CREG2: variants seen among roughly 807,000 people sequenced by gnomAD.
CREG2 encodes the protein cellular repressor of E1A stimulated genes 2, also known as protein CREG2.
CREG2 carries 24 observed loss-of-function variants against 26.2 expected under a neutral mutation model. The ratio of observed to expected loss-of-function variants is 0.92; its 90% CI spans 0.66 to 1.29. CREG2 has a LOEUF of 1.29. Ranked by LOEUF, CREG2 falls within the 50% of genes most tolerant of loss-of-function variation. The pLI is 0.00. For missense variants in CREG2, 366 were observed against 398.6 expected (o/e 0.92, Z 0.70); for synonymous variants, 174 against 169.2 (o/e 1.03, Z -0.22).
Position 101,387,157 on chromosome 2 carries a change from G to T in CREG2, c.301C>A (p.Pro101Thr). 7.9e-7 allele frequency: 1 copy of T among 1,268,412 alleles called. No individual in the cohort carries two copies. The allele number at this position is 1,268,412 out of a possible 1,614,324, so 78.6% of individuals were successfully genotyped here. Residue 101 changes from proline to threonine, a missense_variant, in exon 1 of 4, where the codon CCC becomes ACC. This residue lies in a region of CREG2 where 177 missense variants were observed against 183.3 expected (regional missense o/e 0.97). Transcript: ENST00000324768. This position sits in a 1 kb window ranked among gnomAD's most constrained non-coding sequence, Gnocchi z 4.7. ...AARARPPPAP[P>T]GMFSYRREGG... Reference sequence around the variant, plus strand: ...TCGCGCCGGTAGGAGAACATCCCGGGTGGCGCGGGGGGCGGCCTGGCCCGG... The same window carrying T: ...TCGCGCCGGTAGGAGAACATCCCGGTTGGCGCGGGGGGCGGCCTGGCCCGG...
In CREG2 at chr2:101,387,154, C is replaced by G; in HGVS notation, c.304G>C (p.Gly102Arg). The change falls in exon 1 of 4, where the codon GGG becomes CGG. Residue 102 changes from glycine to arginine, a missense_variant. By Grantham distance (125) the Gly-to-Arg change is moderately radical (BLOSUM62 -2). Around this residue, in one of 3 missense-constraint regions of CREG2, gnomAD observed 177 missense variants for 183.3 expected, o/e 0.97. Transcript: ENST00000324768. The surrounding 1 kb of genome is among the most constrained non-coding windows in gnomAD (Gnocchi z 4.7). ...ARARPPPAPPGMFSYRREGGQ... is the reference protein window; with the variant it reads ...ARARPPPAPPRMFSYRREGGQ... The stretch of plus-strand genomic sequence containing the variant: ...CCCTCGCGCCGGTAGGAGAACATCC[C>G]GGGTGGCGCGGGGGGCGGCCTGGCC... The G allele has an allele frequency of 7.9e-7, 1 of 1,266,792 alleles. No homozygotes were observed. The highest frequency in any genetic ancestry group is 9.9e-7 in the Non-Finnish European group (1 of 1,005,592). The allele number at this position is 1,266,792 out of a possible 1,614,324, so 78.5% of individuals were successfully genotyped here.
At chr2:101,352,195 A>T (rs1684394980) in intron 3 of CREG2, among the ~76,000 whole-genome samples, 1 of 152,164 alleles carries the variant, frequency 6.6e-6, no homozygotes, top group African/African-American at 2.4e-5. Context: ...CATCTTTTTA[A>T]AGAATAATTT....
chr2:101,370,622 T>C (rs1372386973), intron 2 of CREG2, among the ~76,000 whole-genome samples: 1 of 152,188 alleles, frequency 6.6e-6, no homozygotes, highest in Non-Finnish European at 1.5e-5. Context: ...GGCTGTTCCT[T>C]GAAAGTGCAG....
intron 3 of CREG2, among the ~76,000 whole-genome samples, chr2:101,353,454 G>A (rs1205100366): frequency 6.6e-6 from 1 of 152,162 alleles, no homozygotes; most frequent in East Asian, 1.9e-4. Context: ...TCATTAAAAA[G>A]TCAGGAAGCA....
intron 2 of CREG2, 75 bp from the exon 3 acceptor site, chr2:101,355,441 A>G: frequency 1.1e-6 from 1 of 893,746 alleles, no homozygotes; most frequent in Non-Finnish European, 1.8e-6. Context: ...GATTTTATAA[A>G]CTTAAAAATA....
chr2:101,363,856 A>ACC (rs753629111), intron 2 of CREG2, among the ~76,000 whole-genome samples: 1,924 of 146,252 alleles, frequency 0.013, 45 homozygotes, highest in African/African-American at 0.048. Context: ...TCTCAAACAC[A>ACC]CACACACACA....
chr2:101,383,774 C>A, intron 1 of CREG2, 72 bp from the exon 2 acceptor site: 1 of 1,430,134 alleles, frequency 7.0e-7, no homozygotes, highest in South Asian at 1.4e-5. Flanking sequence ...TTAGCTTGTG[C>A]CTCTGGCTAG....
chr2:101,359,908 C>T (rs926837199), intron 2 of CREG2, among the ~76,000 whole-genome samples: 28 of 152,180 alleles, frequency 1.8e-4, no homozygotes, highest in African/African-American at 5.8e-4. Flanking sequence ...TTTTTGCTGG[C>T]CTCCCATAAA....
intron 1 of CREG2, among the ~76,000 whole-genome samples, chr2:101,384,564 T>C (rs762442632): frequency 7.9e-5 from 12 of 152,106 alleles, no homozygotes; most frequent in Admixed American, 2.6e-4. Context: ...TCCTTGAGAG[T>C]TCCCCTGAGA....
intron 2 of CREG2, among the ~76,000 whole-genome samples, chr2:101,356,976 G>A (rs752448090): frequency 6.6e-6 from 1 of 151,732 alleles, no homozygotes; most frequent in African/African-American, 2.4e-5. Context: ...TGCAACCTCC[G>A]CCTCCCGGGT....
chr2:101,363,858 A>C (rs1402672696), intron 2 of CREG2, among the ~76,000 whole-genome samples: 3 of 148,362 alleles, frequency 2.0e-5, no homozygotes, highest in African/African-American at 7.7e-5. Context: ...TCAAACACAC[A>C]CACACACACA....
At chr2:101,378,164 T>A (rs1684818591) in intron 2 of CREG2, among the ~76,000 whole-genome samples, 1 of 152,224 alleles carries the variant, frequency 6.6e-6, no homozygotes, top group Non-Finnish European at 1.5e-5. Flanking sequence ...TTCTGTTGTC[T>A]GCTTCTATGA....
In CREG2 at chr2:101,371,020, T is replaced by G. The variant is rs912532341; in HGVS notation, c.611+12513A>C. ...ATTCCTTCTGAGTTCCCTCTGCCAT[T>G]TCTGCAGACACTGCCAGGACCTGTC... On this transcript the variant is annotated intron_variant, in intron 2 of 3. Transcript: ENST00000324768. Among the ~76,000 whole-genome samples the G allele has an allele frequency of 2.0e-5, 3 of 152,102 alleles. No individual in the cohort carries two copies. In the East Asian group the frequency reaches 5.8e-4, roughly 29 times the overall value.
rs957875845 is a variant in CREG2 at position 101,355,449 on chromosome 2, ATAG to A, written c.612-86_612-84del. ...TTCTAACGATTTTATAAACTTAAAA[ATAG>A]TAGTCACATTCCTGGTTATATCATT... is the stretch of plus-strand genomic sequence containing the variant. On this transcript the variant is annotated intron_variant, in intron 2 of 3. Transcript: ENST00000324768. 51 of 809,422 alleles carry A rather than the reference ATAG, an allele frequency of 6.3e-5. No individual in the cohort carries two copies. The African/African-American group carries it at 8.5e-4, about 13-fold the overall frequency. 50.1% of individuals were successfully genotyped at this position (809,422 alleles called of 1,614,324 possible). A position where few individuals can be genotyped will look rare whatever the true frequency, so the allele number is the denominator to read the frequency against.
intron 2 of CREG2, among the ~76,000 whole-genome samples, chr2:101,357,460 G>T (rs1017137053): frequency 6.6e-6 from 1 of 152,194 alleles, no homozygotes; most frequent in Non-Finnish European, 1.5e-5. Flanking sequence ...ACAAGAGAAA[G>T]CTCTTCTTGG....
chr2:101,353,568 G>A (rs545593719), intron 3 of CREG2, among the ~76,000 whole-genome samples: 16 of 152,150 alleles, frequency 1.1e-4, no homozygotes, highest in Non-Finnish European at 2.4e-4. Context: ...ATTCCTTAAG[G>A]ATCTAGAACC....
intron 2 of CREG2, among the ~76,000 whole-genome samples, chr2:101,369,853 T>C (rs1684677807): frequency 6.6e-6 from 1 of 152,260 alleles, no homozygotes; most frequent in East Asian, 1.9e-4. Context: ...GCAAGTTTCA[T>C]GTCTTGCCTC....
rs1242253292 is a variant in CREG2 at position 101,383,447 on chromosome 2, T to C, written c.611+86A>G. On this transcript the variant is annotated intron_variant, in intron 2 of 3. Transcript: ENST00000324768. ...TGTGCATCTCAGAGTTCTGTTAAAG[T>C]CATGTGACCCAGAGAGAAACCCACC... 6.2e-6 allele frequency: 8 copies of C among 1,291,746 alleles called. No homozygotes were observed. In the Admixed American group the frequency reaches 1.4e-4, roughly 23 times the overall value. 80.0% of individuals were successfully genotyped at this position (1,291,746 alleles called of 1,614,324 possible). A position where few individuals can be genotyped will look rare whatever the true frequency, so the allele number is the denominator to read the frequency against.
chr2:101,386,940 G>T lies in CREG2; in HGVS notation c.441+77C>A, dbSNP rs1684977163. The stretch of plus-strand genomic sequence containing the variant: ...ACCCGGATCTCAGTCCCGAGCGGTC[G>T]CGAGCACGTCCCTGTCCCCGTCCCC... On this transcript the variant is annotated intron_variant, in intron 1 of 3. Coordinates refer to ENST00000324768, the MANE Select transcript of CREG2 (RefSeq NM_153836.4). 4.9e-6 allele frequency: 6 copies of T among 1,217,780 alleles called. No homozygotes were observed. In the East Asian group the frequency reaches 9.6e-5, roughly 19 times the overall value. 75.4% of individuals were successfully genotyped at this position (1,217,780 alleles called of 1,614,324 possible). A position where few individuals can be genotyped will look rare whatever the true frequency, so the allele number is the denominator to read the frequency against.
Sources: gnomAD v4.1 joint callset for allele counts (sites outside exome capture counted in the v4.1 genomes callset) on GRCh38, gnomAD v4.1.1 for gene constraint, gnomAD v4.1.1 regional missense constraint, Gnocchi (gnomAD v3.1) non-coding constraint, MANE v1.5 for transcripts, NCBI Gene and HGNC (gene_info 2026-07-23, HGNC 2026-07-21) for gene names.